Variants in CEMIP observed in about 807,000 individuals in gnomAD.
CEMIP encodes cell migration-inducing and hyaluronan-binding protein.
A neutral mutation model predicts 156.9 loss-of-function variants in CEMIP; 105 were observed. The ratio of observed to expected loss-of-function variants is 0.67; its 90% CI spans 0.57 to 0.79. The LOEUF (loss-of-function observed/expected upper bound fraction) is 0.79. Ranked by LOEUF, CEMIP falls within the 30% of genes least tolerant of loss-of-function variation. CEMIP has a pLI of 0.00. For synonymous variants in CEMIP, 676 were observed against 668.4 expected, an observed-to-expected ratio of 1.01 and a Z score of -0.17; for missense variants, 1,457 against 1,769.4, an observed-to-expected ratio of 0.82 and a Z score of 3.17.
intron 1 of CEMIP, among the ~76,000 whole-genome samples, chr15:80,859,302 C>T (rs1897928511): frequency 6.6e-6 from 1 of 152,206 alleles, no homozygotes; most frequent in African/African-American, 2.4e-5. Context: ...TCACAAACAT[C>T]CTCTGTGGGC....
At chr15:80,867,689 G>C (rs1045524970) in intron 1 of CEMIP, among the ~76,000 whole-genome samples, 1 of 152,214 alleles carries the variant, frequency 6.6e-6, no homozygotes, top group Non-Finnish European at 1.5e-5. Context: ...AAGTTCCCCA[G>C]GCTTGGGACT....
chr15:80,843,698 A>G (rs1467928358), intron 1 of CEMIP, among the ~76,000 whole-genome samples: 1 of 152,206 alleles, frequency 6.6e-6, no homozygotes, highest in Non-Finnish European at 1.5e-5. Flanking sequence ...GACGGTTTCT[A>G]TATGGAGCTG....
intron 1 of CEMIP, among the ~76,000 whole-genome samples, chr15:80,810,669 A>G (rs1896648314): frequency 6.6e-6 from 1 of 152,144 alleles, no homozygotes; most frequent in African/African-American, 2.4e-5. Flanking sequence ...TGTGTTCTTT[A>G]AACTTGTACT....
At chr15:80,912,260 C>T (rs1173406606) in intron 14 of CEMIP, among the ~76,000 whole-genome samples, 9 of 152,212 alleles carry the variant, frequency 5.9e-5, no homozygotes, top group Admixed American at 4.6e-4. Context: ...TCTGGAGCAG[C>T]CACGTGGGTC....
intron 19 of CEMIP, among the ~76,000 whole-genome samples, chr15:80,927,432 G>A (rs1381948217): frequency 6.6e-6 from 1 of 152,212 alleles, no homozygotes; most frequent in African/African-American, 2.4e-5. Context: ...GAAGCCCTGG[G>A]TTGAAGAGAA....
chr15:80,840,369 C>G (rs906647999), intron 1 of CEMIP, among the ~76,000 whole-genome samples: 6 of 152,174 alleles, frequency 3.9e-5, no homozygotes, highest in African/African-American at 7.2e-5. Context: ...TCTTGCAAGT[C>G]AGCCCAGCCT....
chr15:80,902,686 C>T (rs1333795954), intron 12 of CEMIP, among the ~76,000 whole-genome samples: 1 of 152,180 alleles, frequency 6.6e-6, no homozygotes, highest in African/African-American at 2.4e-5. Flanking sequence ...CTGATAAACA[C>T]AGTGCCTCCA....
chr15:80,810,814 A>C (rs540982280), intron 1 of CEMIP, among the ~76,000 whole-genome samples: 229 of 151,322 alleles, frequency 1.5e-3, no homozygotes, highest in African/African-American at 5.4e-3. Flanking sequence ...CCATCCATCC[A>C]TCCATCCATC....
chr15:80,841,957 A>C (rs747986080), intron 1 of CEMIP: 1 of 311,420 alleles, frequency 3.2e-6, no homozygotes, highest in African/African-American at 2.3e-5. Context: ...ACAAAGATGC[A>C]TGGAAAATGC....
chr15:80,892,565 G>A (rs953212157), intron 10 of CEMIP, among the ~76,000 whole-genome samples: 2 of 152,136 alleles, frequency 1.3e-5, no homozygotes, highest in Admixed American at 6.5e-5. Flanking sequence ...AGGTCGGCCT[G>A]ATGGTAACAA....
intron 1 of CEMIP, among the ~76,000 whole-genome samples, chr15:80,803,691 A>G (rs7174853): frequency 0.21 from 32,460 of 152,106 alleles, 3,550 homozygotes; most frequent in South Asian, 0.32. Context: ...AGAGAGGTTA[A>G]GCAACGGTTC....
chr15:80,877,706 G>A (rs577375932), intron 3 of CEMIP, among the ~76,000 whole-genome samples: 11 of 152,338 alleles, frequency 7.2e-5, no homozygotes, highest in African/African-American at 2.4e-4. Flanking sequence ...TTAGCTATGT[G>A]AACATTGAGA....
At chr15:80,811,401 C>A (rs1018821176) in intron 1 of CEMIP, among the ~76,000 whole-genome samples, 1 of 152,084 alleles carries the variant, frequency 6.6e-6, no homozygotes, top group Non-Finnish European at 1.5e-5. Context: ...AGAGCACAGT[C>A]CTGGAGGGCT....
At chr15:80,877,664 C>T (rs964041097) in intron 3 of CEMIP, among the ~76,000 whole-genome samples, 4 of 152,228 alleles carry the variant, frequency 2.6e-5, no homozygotes, top group Non-Finnish European at 4.4e-5. Flanking sequence ...CTCACTCAAG[C>T]CCACCTCAGG....
chr15:80,796,780 C>T (rs976938964), intron 1 of CEMIP, among the ~76,000 whole-genome samples: 1 of 152,050 alleles, frequency 6.6e-6, no homozygotes, highest in East Asian at 1.9e-4. Context: ...AATCTGGGAG[C>T]GTGGGGTGGG....
At chr15:80,948,165 G>A (rs141548192) in intron 29 of CEMIP, 1 of 158,314 alleles carries the variant, frequency 6.3e-6, no homozygotes, top group Non-Finnish European at 1.4e-5. Context: ...TTTCCCGGTG[G>A]TGATAAATGC....
At chr15:80,929,992 T>C (rs1183251067) in intron 21 of CEMIP, among the ~76,000 whole-genome samples, 3 of 152,154 alleles carry the variant, frequency 2.0e-5, no homozygotes, top group Non-Finnish European at 4.4e-5. Flanking sequence ...TCTGCTGGTG[T>C]TTCTGCTCAG....
chr15:80,863,365 C>T (rs981480041), intron 1 of CEMIP, among the ~76,000 whole-genome samples: 2 of 152,192 alleles, frequency 1.3e-5, no homozygotes, highest in Non-Finnish European at 1.5e-5. Flanking sequence ...CCAATGTTGA[C>T]TGGGCAGCCT....
intron 1 of CEMIP, among the ~76,000 whole-genome samples, chr15:80,782,534 T>C (rs1353449136): frequency 6.6e-6 from 1 of 152,186 alleles, no homozygotes; most frequent in African/African-American, 2.4e-5. Flanking sequence ...CACTAATACA[T>C]GACACACCAC....
Sources: allele counts gnomAD v4.1 joint callset (sites outside exome capture counted in the v4.1 genomes callset), GRCh38; gene constraint gnomAD v4.1.1; transcripts MANE v1.5; gene names NCBI Gene and HGNC (gene_info 2026-07-23, HGNC 2026-07-21).